PRKN: variants seen among roughly 807,000 people sequenced by gnomAD.
PRKN encodes parkin RBR E3 ubiquitin protein ligase.
In PRKN, 56 loss-of-function variants were observed where a neutral mutation model predicts 59.5. That is an observed-to-expected ratio of 0.94 (90% CI 0.76 to 1.18). The LOEUF is 1.18. Ranked by LOEUF, PRKN falls within the 50% of genes most tolerant of loss-of-function variation. The probability of loss-of-function intolerance (pLI) is 0.00; values close to 1 mark genes in which losing one functional copy is unlikely to be tolerated. For synonymous variants in PRKN, 250 were observed against 222.1 expected (o/e 1.13, Z -1.12); for missense variants, 657 against 596.4 (o/e 1.10, Z -1.06).
intron 4 of PRKN, among the ~76,000 whole-genome samples, chr6:162,146,327 G>A (rs1782024432): frequency 6.6e-6 from 1 of 151,582 alleles, no homozygotes; most frequent in African/African-American, 2.4e-5. Flanking sequence ...CATTTTTGGG[G>A]GTAATATCCA....
intron 4 of PRKN, among the ~76,000 whole-genome samples, chr6:162,199,294 C>T (rs1418218713): frequency 6.6e-6 from 1 of 152,040 alleles, no homozygotes; most frequent in African/African-American, 2.4e-5. Flanking sequence ...CAAGTCCACA[C>T]TCATAAGTTC....
At chr6:162,682,102 T>G (rs955728243) in intron 1 of PRKN, among the ~76,000 whole-genome samples, 1 of 152,108 alleles carries the variant, frequency 6.6e-6, no homozygotes, top group Admixed American at 6.6e-5. Context: ...TAAATTTTAT[T>G]TATCTGAATC....
intron 7 of PRKN, among the ~76,000 whole-genome samples, chr6:161,771,103 T>A (rs1789656419): frequency 6.6e-6 from 1 of 151,988 alleles, no homozygotes; most frequent in Non-Finnish European, 1.5e-5. Flanking sequence ...ATGCCTGTAA[T>A]CCCAGCACTT....
At chr6:162,008,832 G>C (rs1263472012) in intron 5 of PRKN, among the ~76,000 whole-genome samples, 2 of 152,078 alleles carry the variant, frequency 1.3e-5, no homozygotes, top group African/African-American at 4.8e-5. Context: ...TAACAGGAAA[G>C]ATAAAGGAAT....
chr6:161,595,182 T>G (rs1460752209), intron 7 of PRKN, among the ~76,000 whole-genome samples: 1 of 152,224 alleles, frequency 6.6e-6, no homozygotes, highest in African/African-American at 2.4e-5. Context: ...GCACAAATTC[T>G]TGCACCCATG....
At chr6:162,721,156 AT>A (rs1778928527) in intron 1 of PRKN, among the ~76,000 whole-genome samples, 1 of 152,178 alleles carries the variant, frequency 6.6e-6, no homozygotes, top group African/African-American at 2.4e-5. Flanking sequence ...ACTGTCCTCT[AT>A]TAAACATTAT....
At chr6:162,421,687 AACG>A (rs1294631577) in intron 2 of PRKN, among the ~76,000 whole-genome samples, 3 of 152,192 alleles carry the variant, frequency 2.0e-5, no homozygotes, top group African/African-American at 7.2e-5. Context: ...GGAGAAGAAC[AACG>A]CATTACAGGA....
At chr6:162,480,637 G>A (rs1405606258) in intron 1 of PRKN, among the ~76,000 whole-genome samples, 1 of 151,854 alleles carries the variant, frequency 6.6e-6, no homozygotes, top group Non-Finnish European at 1.5e-5. Flanking sequence ...TTAGCGAGGG[G>A]AAAAACAGCC....
Position 162,054,083 on chromosome 6 carries a change from G to A in PRKN, c.618+8C>T. On this transcript the variant is annotated splice_region_variant and intron_variant, in intron 5 of 11. Coordinates refer to ENST00000366898, the MANE Select transcript of PRKN (RefSeq NM_004562.3). Reference sequence around the variant, plus strand: ...CAATAAGAGGAATGAATGTGACCAGGTACTTACTGCACTAGTCCCAGGGCA... The same window carrying A: ...CAATAAGAGGAATGAATGTGACCAGATACTTACTGCACTAGTCCCAGGGCA... The A allele has an allele frequency of 6.4e-7, 1 of 1,565,508 alleles. No individual in the cohort carries two copies. Among genetic ancestry groups the A allele is most frequent in the Non-Finnish European group, 8.8e-7 (1 of 1,135,666 alleles).
intron 9 of PRKN, among the ~76,000 whole-genome samples, chr6:161,537,608 T>G (rs574762775): frequency 1.3e-5 from 2 of 151,972 alleles, no homozygotes; most frequent in African/African-American, 2.4e-5. Flanking sequence ...CCCGCCACCA[T>G]GCTCGGCTAA....
intron 5 of PRKN, among the ~76,000 whole-genome samples, chr6:162,009,275 G>A (rs541354997): frequency 6.6e-6 from 1 of 151,768 alleles, no homozygotes; most frequent in African/African-American, 2.4e-5. Context: ...AAAGAAAGAG[G>A]TGAGATACTA....
At chr6:162,587,023 G>T (rs952922235) in intron 1 of PRKN, among the ~76,000 whole-genome samples, 18 of 152,128 alleles carry the variant, frequency 1.2e-4, no homozygotes, top group African/African-American at 4.1e-4. Flanking sequence ...AGATCCAAGT[G>T]GAAGAAGGCT....
chr6:162,192,265 C>T (rs1000949436), intron 4 of PRKN, among the ~76,000 whole-genome samples: 1 of 151,974 alleles, frequency 6.6e-6, no homozygotes, highest in Admixed American at 6.6e-5. Context: ...CTTTGTAAAA[C>T]TTTTAATATC....
chr6:162,428,489 T>C (rs1452398712), intron 2 of PRKN, among the ~76,000 whole-genome samples: 1 of 152,182 alleles, frequency 6.6e-6, no homozygotes, highest in Non-Finnish European at 1.5e-5. Context: ...CTTAAACCTC[T>C]CAAATAAAGT....
At position 161,529,122 on chromosome 6, in the gene PRKN, C is replaced by T. The variant is rs1031141134; in HGVS notation, c.1083+19732G>A. Among the ~76,000 whole-genome samples, 8 of 152,134 alleles carry T rather than the reference C, an allele frequency of 5.3e-5. No homozygotes were observed. Among genetic ancestry groups the T allele is most frequent in the African/African-American group, 1.4e-4 (6 of 41,422 alleles). On this transcript the variant is annotated intron_variant, in intron 9 of 11. Transcript: ENST00000366898. This position sits in a 1 kb window ranked among gnomAD's most constrained non-coding sequence, Gnocchi z 4.4. ...ATACGAGCCACAACCACAGACTCTA[C>T]GCTGCGTTCCTCTCCCTAGTCACCG...
chr6:161,618,543 C>T (rs1048310409), intron 7 of PRKN, among the ~76,000 whole-genome samples: 3 of 152,040 alleles, frequency 2.0e-5, no homozygotes, highest in East Asian at 1.9e-4. Context: ...CAGTATTATG[C>T]CCAAACCTAC....
chr6:161,798,526 G>A lies in PRKN; in HGVS notation c.735-12618C>T, dbSNP rs149721336. 3.9e-5 allele frequency among the ~76,000 whole-genome samples: 6 copies of A among 152,254 alleles called. No homozygotes were observed. In the East Asian group the frequency reaches 1.2e-3, roughly 29 times the overall value. On this transcript the variant is annotated intron_variant, in intron 6 of 11. Coordinates refer to ENST00000366898, the MANE Select transcript of PRKN (RefSeq NM_004562.3). ...AACATTTCTTTTTTATCGAAAGCTT[G>A]TAGGACTTAATCCTCACTTGAAAGC...
At chr6:161,449,201 T>C (rs184799257) in intron 9 of PRKN, among the ~76,000 whole-genome samples, 26 of 152,330 alleles carry the variant, frequency 1.7e-4, no homozygotes, top group Middle Eastern at 6.8e-3. Context: ...CAATATAAAA[T>C]AGTAATGCCC....
At position 162,340,198 on chromosome 6, in the gene PRKN, C is replaced by G. The variant is rs994919994; in HGVS notation, c.172-77433G>C. Among the ~76,000 whole-genome samples the G allele has an allele frequency of 2.0e-5, 3 of 150,670 alleles. No individual in the cohort carries two copies. The South Asian group carries it at 6.3e-4, about 32-fold the overall frequency. ...TTTTGCAATTTTATTTCGTGAGAACCAAGAAAATCAGAAAAGCTCTCTAAT... is the reference window on the plus strand; with the variant it reads ...TTTTGCAATTTTATTTCGTGAGAACGAAGAAAATCAGAAAAGCTCTCTAAT... On this transcript the variant is annotated intron_variant, in intron 2 of 11. Coordinates refer to ENST00000366898, the MANE Select transcript of PRKN (RefSeq NM_004562.3).
Sources: gnomAD v4.1 joint callset for allele counts (sites outside exome capture counted in the v4.1 genomes callset) on GRCh38, gnomAD v4.1.1 for gene constraint, Gnocchi (gnomAD v3.1) non-coding constraint, MANE v1.5 for transcripts, NCBI Gene and HGNC (gene_info 2026-07-23, HGNC 2026-07-21) for gene names.